Variants in PON2 observed in about 807,000 individuals in gnomAD.
PON2 encodes the protein paraoxonase 2.
In PON2, 27 loss-of-function variants were observed where a neutral mutation model predicts 36.6. The observed-to-expected ratio is 0.74, with a 90% confidence interval of 0.54 to 1.02. The LOEUF is 1.02. Among genes scored for constraint, PON2 ranks in the 50% least tolerant of loss-of-function variants. The probability of loss-of-function intolerance (pLI) is 0.00; values close to 1 mark genes in which losing one functional copy is unlikely to be tolerated. For missense variants in PON2, 363 were observed against 421.1 expected (o/e 0.86, Z 1.21); for synonymous variants, 149 against 156.3 (o/e 0.95, Z 0.35).
intron 5 of PON2, among the ~76,000 whole-genome samples, chr7:95,410,765 T>A (rs138514133): frequency 1.3e-5 from 2 of 152,180 alleles, no homozygotes; most frequent in East Asian, 3.9e-4. Flanking sequence ...AATTACTCTA[T>A]GCAAAAATTT....
At chr7:95,423,066 G>C (rs887744703) in intron 2 of PON2, among the ~76,000 whole-genome samples, 7 of 152,078 alleles carry the variant, frequency 4.6e-5, no homozygotes, top group African/African-American at 1.4e-4. Flanking sequence ...CCTCATGCCT[G>C]CAATCCCAGC....
intron 3 of PON2, chr7:95,415,904 A>T (rs981731054): frequency 1.0e-5 from 3 of 297,204 alleles, no homozygotes; most frequent in Non-Finnish European, 1.9e-5. Context: ...GTAAGCTGAG[A>T]TCATGCCACT....
intron 1 of PON2, among the ~76,000 whole-genome samples, chr7:95,430,435 G>A (rs1359775493): frequency 1.3e-5 from 2 of 151,926 alleles, no homozygotes; most frequent in African/African-American, 2.4e-5. Context: ...TGAGTAGCTG[G>A]GATTACAGGC....
At chr7:95,416,576 ACT>A in intron 2 of PON2, 1 of 459,950 alleles carries the variant, frequency 2.2e-6, no homozygotes, top group Non-Finnish European at 4.0e-6. Context: ...ACATCTGTAC[ACT>A]CTCATGATAA....
At chr7:95,419,879 A>G (rs1465474182) in intron 2 of PON2, among the ~76,000 whole-genome samples, 1 of 152,190 alleles carries the variant, frequency 6.6e-6, no homozygotes, top group Non-Finnish European at 1.5e-5. Flanking sequence ...AAGACTGATG[A>G]GAGAAAAATA....
intron 6 of PON2, among the ~76,000 whole-genome samples, chr7:95,407,612 T>G (rs1358596824): frequency 1.3e-5 from 2 of 152,182 alleles, no homozygotes; most frequent in Non-Finnish European, 2.9e-5. Flanking sequence ...TTTTACTCAT[T>G]GAATTGACTT....
In PON2 at chr7:95,405,257, A is replaced by G; in HGVS notation, c.*73T>C. The G allele has an allele frequency of 6.6e-7, 1 of 1,506,940 alleles. No homozygotes were observed. The highest frequency in any genetic ancestry group is 1.1e-5 in the South Asian group (1 of 87,026). 93.3% of individuals were successfully genotyped at this position (1,506,940 alleles called of 1,614,324 possible). A position where few individuals can be genotyped will look rare whatever the true frequency, so the allele number is the denominator to read the frequency against. ...CATTTCTGGGTCAATGTTGCTGGTT[A>G]AATTCCCTCAGAATTAGCAATTCAT... On this transcript the variant is annotated 3_prime_UTR_variant, in exon 9 of 9. Coordinates refer to ENST00000222572, the MANE Select transcript of PON2 (RefSeq NM_000305.3).
At chr7:95,432,986 C>T (rs1789477656) in intron 1 of PON2, among the ~76,000 whole-genome samples, 1 of 152,164 alleles carries the variant, frequency 6.6e-6, no homozygotes, top group Admixed American at 6.5e-5. Context: ...TAACCAGTTA[C>T]CCCATGTCTG....
chr7:95,411,850 TA>T, intron 4 of PON2, 71 bp from the exon 5 acceptor site: 1 of 1,510,352 alleles, frequency 6.6e-7, no homozygotes. Context: ...CACTGACATT[TA>T]AATACCACAG....
In PON2 at chr7:95,434,809, C is replaced by A. The variant is rs1187988588; in HGVS notation, c.74+69G>T. ...AGGAATCCCTCCCCCAGCCTGCGCC[C>A]TCCCCGCACCACGCGGCCACCCCGA... On this transcript the variant is annotated intron_variant, in intron 1 of 8. Transcript: ENST00000222572. 4.0e-6 allele frequency: 6 copies of A among 1,503,438 alleles called. No individual in the cohort carries two copies. In the African/African-American group the frequency reaches 8.6e-5, roughly 21 times the overall value. 93.1% of individuals were successfully genotyped at this position (1,503,438 alleles called of 1,614,324 possible). A position where few individuals can be genotyped will look rare whatever the true frequency, so the allele number is the denominator to read the frequency against.
chr7:95,416,232 A>C lies in PON2; in HGVS notation c.201+10T>G. The stretch of plus-strand genomic sequence containing the variant: ...CTCTGCTGAATTTGGGGAAGGAAGA[A>C]GACACTCACCACACTAAAAAAAGCC... On this transcript the variant is annotated intron_variant, in intron 3 of 8. Coordinates refer to ENST00000222572, the MANE Select transcript of PON2 (RefSeq NM_000305.3). 6.2e-7 allele frequency: 1 copy of C among 1,611,130 alleles called. No homozygotes were observed. The highest frequency in any genetic ancestry group is 1.1e-5 in the South Asian group (1 of 91,028).
intron 2 of PON2, among the ~76,000 whole-genome samples, chr7:95,421,346 C>T (rs1404132196): frequency 6.6e-6 from 1 of 152,346 alleles, no homozygotes; most frequent in Middle Eastern, 3.4e-3. Flanking sequence ...CTTGTATTCA[C>T]AGAAGGTGGG....
In PON2 at chr7:95,405,352, C is replaced by A; in HGVS notation, c.1043G>T (p.Arg348Ile). 6.2e-7 allele frequency: 1 copy of A among 1,613,910 alleles called. No homozygotes were observed. The highest frequency in any genetic ancestry group is 8.5e-7 in the Non-Finnish European group (1 of 1,179,860). ...AATTTAGAGTTCACAATACAAGGCT[C>A]TGTGGTATAAAGTGCCTATGAGCAG... ...GKLLIGTLYH[R>I]ALYCEL The change falls in exon 9 of 9, where the codon AGA (arginine) becomes ATA (isoleucine). Residue 348 changes from arginine to isoleucine, a missense_variant. Physicochemically the swap from Arg to Ile is moderately conservative, Grantham distance 97 (BLOSUM62 -3). Transcript: ENST00000222572.
intron 2 of PON2, among the ~76,000 whole-genome samples, chr7:95,419,485 C>A: frequency 6.6e-6 from 1 of 152,198 alleles, no homozygotes; most frequent in Admixed American, 6.5e-5. Context: ...ATTTCCATCT[C>A]TTCTTATTAC....
intron 1 of PON2, 72 bp downstream of exon 1, chr7:95,434,806 G>C: frequency 6.7e-7 from 1 of 1,490,266 alleles, no homozygotes; most frequent in Non-Finnish European, 9.0e-7. Context: ...CCCAGCCTGC[G>C]CCCTCCCCGC....
chr7:95,428,500 T>C (rs1402146955), intron 1 of PON2, among the ~76,000 whole-genome samples: 1 of 152,208 alleles, frequency 6.6e-6, no homozygotes, highest in East Asian at 1.9e-4. Context: ...TTAGTAGTAT[T>C]TGTGACTGTC....
chr7:95,417,515 T>C (rs1286589074), intron 2 of PON2, among the ~76,000 whole-genome samples: 2 of 152,084 alleles, frequency 1.3e-5, no homozygotes, highest in African/African-American at 2.4e-5. Flanking sequence ...AACGTTTCTG[T>C]AAAAACGGTC....
At chr7:95,433,915 C>G (rs1789501269) in intron 1 of PON2, among the ~76,000 whole-genome samples, 1 of 152,222 alleles carries the variant, frequency 6.6e-6, no homozygotes, top group Admixed American at 6.5e-5. Flanking sequence ...TTAGAACATC[C>G]TAATTTATAC....
At chr7:95,406,426 C>T (rs1337777355) in intron 7 of PON2, among the ~76,000 whole-genome samples, 179 bp from the exon 8 acceptor site, 2 of 152,168 alleles carry the variant, frequency 1.3e-5, no homozygotes, top group Non-Finnish European at 2.9e-5. Flanking sequence ...CACTTTTCTT[C>T]TTCCCTGAAA....
Sources: gnomAD v4.1 joint callset for allele counts (sites outside exome capture counted in the v4.1 genomes callset) on GRCh38, gnomAD v4.1.1 for gene constraint, MANE v1.5 for transcripts, NCBI Gene and HGNC (gene_info 2026-07-23, HGNC 2026-07-21) for gene names.